The following EPB41 variants were observed in gnomAD, a reference collection of about 807,000 sequenced individuals.
EPB41 encodes the protein erythrocyte membrane protein band 4.1.
A neutral mutation model predicts 108.0 loss-of-function variants in EPB41; 65 were observed. The ratio of observed to expected loss-of-function variants is 0.60; its 90% confidence interval spans 0.49 to 0.74. The LOEUF is 0.74. Ranked by LOEUF, EPB41 falls within the 30% of genes least tolerant of loss-of-function variation. The probability of loss-of-function intolerance (pLI) is 0.00; values close to 1 mark genes in which losing one functional copy is unlikely to be tolerated. For missense variants in EPB41, 875 were observed against 1,037.0 expected, an observed-to-expected ratio of 0.84 and a Z score of 2.15; for synonymous variants, 336 against 358.9, an observed-to-expected ratio of 0.94 and a Z score of 0.72.
intron 17 of EPB41, among the ~76,000 whole-genome samples, chr1:29,100,935 AAAAAG>A (rs2151538100): frequency 6.6e-6 from 1 of 151,470 alleles, no homozygotes; most frequent in South Asian, 2.1e-4. Flanking sequence ...TCTCAAAAAA[AAAAAG>A]AGGGCCGGGT....
At chr1:29,037,085 A>C (rs1639777512) in intron 10 of EPB41, among the ~76,000 whole-genome samples, 1 of 151,728 alleles carries the variant, frequency 6.6e-6, no homozygotes, top group South Asian at 2.1e-4. Context: ...GACAGAAGAA[A>C]GTATTTCCTC....
chr1:29,106,564 A>ATTTTTTTTTTTTTTTTT (rs1187973613), intron 17 of EPB41, among the ~76,000 whole-genome samples: 1 of 50,896 alleles, frequency 2.0e-5, no homozygotes, highest in African/African-American at 8.5e-5. Flanking sequence ...AGTAGCTGGG[A>ATTTTTTTTTTTTTTTTT]TTTTTTTTTT....
Position 28,993,318 on chromosome 1 carries a change from A to G in EPB41, c.469-12A>G, listed in dbSNP as rs1366225092. Reference sequence around the variant, plus strand: ...TGTTTATTACTGACTTGGCGATGTCATGGATATGTAGCCTGCTCAGGAAGA... The same window carrying G: ...TGTTTATTACTGACTTGGCGATGTCGTGGATATGTAGCCTGCTCAGGAAGA... On this transcript the variant is annotated splice_polypyrimidine_tract_variant and intron_variant, in intron 2 of 20. Transcript: ENST00000343067. 1.4e-5 allele frequency: 23 copies of G among 1,610,068 alleles called. No individual in the cohort carries two copies. Among genetic ancestry groups the G allele is most frequent in the Non-Finnish European group, 2.0e-5 (23 of 1,178,122 alleles).
intron 1 of EPB41, among the ~76,000 whole-genome samples, chr1:28,957,912 C>A (rs899031213): frequency 1.1e-4 from 17 of 152,112 alleles, no homozygotes; most frequent in Non-Finnish European, 5.9e-5. Flanking sequence ...ATAATTCCAG[C>A]AAATACCTTT....
chr1:29,023,044 G>A (rs560524548), intron 7 of EPB41, among the ~76,000 whole-genome samples: 13 of 152,028 alleles, frequency 8.6e-5, no homozygotes, highest in Middle Eastern at 3.4e-3. Context: ...GCCCAGGCTG[G>A]AGTGCAATAG....
intron 16 of EPB41, chr1:29,070,699 C>T (rs1039006014): frequency 1.6e-6 from 2 of 1,230,334 alleles, no homozygotes; most frequent in East Asian, 3.2e-5. Context: ...TGTATGATGC[C>T]CTCTGATCTT....
At chr1:28,933,779 T>C (rs1291346360) in intron 1 of EPB41, among the ~76,000 whole-genome samples, 3 of 152,142 alleles carry the variant, frequency 2.0e-5, no homozygotes, top group Middle Eastern at 3.2e-3. Context: ...CAGTATGTCA[T>C]GTTGGGCAAA....
rs775554564 is a variant in EPB41 at position 28,975,940 on chromosome 1, CAAAAAAAA to C, written c.-7-11477_-7-11470del. Among the ~76,000 whole-genome samples, 11 of 67,672 alleles carry C rather than the reference CAAAAAAAA, an allele frequency of 1.6e-4. No individual in the cohort carries two copies. The East Asian group carries it at 2.9e-3, about 18-fold the overall frequency. 44.4% of individuals were successfully genotyped at this position (67,672 alleles called of 152,430 possible). A position where few individuals can be genotyped will look rare whatever the true frequency, so the allele number is the denominator to read the frequency against. On this transcript the variant is annotated intron_variant, in intron 1 of 20. Transcript: ENST00000343067. ...TGGGTGACAGAGTGAGACTCCATCT[CAAAAAAAA>C]AAAAAAAAAAAAAGAAAGAAAGAAA...
intron 11 of EPB41, among the ~76,000 whole-genome samples, chr1:29,048,823 A>G (rs1381834777): frequency 5.3e-5 from 8 of 152,160 alleles, no homozygotes; most frequent in Non-Finnish European, 1.2e-4. Context: ...TATAAACTGA[A>G]TAGGACAATT....
intron 10 of EPB41, among the ~76,000 whole-genome samples, chr1:29,037,327 T>C (rs1216240078): frequency 3.4e-5 from 5 of 147,268 alleles, no homozygotes; most frequent in Non-Finnish European, 6.0e-5. Flanking sequence ...AGTGATCTGC[T>C]CGCCTCGGCC....
Position 29,045,807 on chromosome 1 carries a change from T to TA in EPB41, c.1636+6400dup, listed in dbSNP as rs201526339. 1.7e-3 allele frequency among the ~76,000 whole-genome samples: 180 copies of TA among 103,728 alleles called. 1 individual carries two copies. The highest frequency in any genetic ancestry group is 2.6e-3 in the Non-Finnish European group (131 of 50,572). 68.0% of individuals were successfully genotyped at this position (103,728 alleles called of 152,430 possible). A position where few individuals can be genotyped will look rare whatever the true frequency, so the allele number is the denominator to read the frequency against. ...GGGCAACATGGCAAGACCCTGTCTC[T>TA]AAAAAAAAAAAAAAAAAAATTAGCT... On this transcript the variant is annotated intron_variant, in intron 11 of 20. Transcript: ENST00000343067.
intron 10 of EPB41, among the ~76,000 whole-genome samples, chr1:29,038,560 A>T (rs1169312096): frequency 6.6e-6 from 1 of 152,206 alleles, no homozygotes; most frequent in Non-Finnish European, 1.5e-5. Context: ...TATTCAACAA[A>T]TATTTATTGG....
chr1:28,938,612 A>C (rs907574201), intron 1 of EPB41, among the ~76,000 whole-genome samples: 6 of 151,156 alleles, frequency 4.0e-5, no homozygotes, highest in Non-Finnish European at 7.4e-5. Context: ...TGCTCACTGC[A>C]ACCTCTGCTT....
At chr1:28,906,351 T>C (rs1007170447) in intron 1 of EPB41, among the ~76,000 whole-genome samples, 21 of 152,356 alleles carry the variant, frequency 1.4e-4, no homozygotes, top group Admixed American at 1.2e-3. Flanking sequence ...AGGCTGACTT[T>C]ACCAGTTTTA....
chr1:29,076,189 A>G (rs1653995204), intron 16 of EPB41, among the ~76,000 whole-genome samples: 1 of 152,180 alleles, frequency 6.6e-6, no homozygotes, highest in Non-Finnish European at 1.5e-5. Context: ...TGCTATTCAG[A>G]TCTATTCCAG....
intron 1 of EPB41, among the ~76,000 whole-genome samples, chr1:28,921,965 CT>C (rs1417579243): frequency 1.5e-5 from 1 of 67,636 alleles, no homozygotes. Flanking sequence ...TATATATACA[CT>C]TTTTTTTTGT....
At chr1:28,949,290 TA>T (rs1344559208) in intron 1 of EPB41, among the ~76,000 whole-genome samples, 1 of 152,052 alleles carries the variant, frequency 6.6e-6, no homozygotes, top group African/African-American at 2.4e-5. Context: ...CAAAAAATTT[TA>T]AAAATTAGCT....
chr1:28,936,364 C>T (rs1341451032), intron 1 of EPB41, among the ~76,000 whole-genome samples: 1 of 151,962 alleles, frequency 6.6e-6, no homozygotes. Flanking sequence ...AGTGTTTTCA[C>T]ATATGCAGCT....
At chr1:29,006,297 C>T (rs1339701305) in intron 4 of EPB41, among the ~76,000 whole-genome samples, 1 of 141,656 alleles carries the variant, frequency 7.1e-6, no homozygotes, top group African/African-American at 2.6e-5. Flanking sequence ...AGTGCAGTGG[C>T]TTGATCTTGG....
Sources: allele counts gnomAD v4.1 joint callset (sites outside exome capture counted in the v4.1 genomes callset), GRCh38; gene constraint gnomAD v4.1.1; transcripts MANE v1.5; gene names NCBI Gene and HGNC (gene_info 2026-07-23, HGNC 2026-07-21).